ING5: variants seen among roughly 807,000 people sequenced by gnomAD.
ING5 encodes inhibitor of growth family member 5, also known as inhibitor of growth protein 5.
ING5 carries 17 observed loss-of-function variants against 37.4 expected under a neutral mutation model. The observed-to-expected ratio is 0.45, with a 90% CI of 0.31 to 0.68. The LOEUF (loss-of-function observed/expected upper bound fraction) is 0.68. Among genes scored for constraint, ING5 ranks in the 30% least tolerant of loss-of-function variants. The pLI is 0.05. For missense variants in ING5, 233 were observed against 311.9 expected (o/e 0.75, Z 1.91); for synonymous variants, 123 against 116.6 (o/e 1.06, Z -0.36).
At chr2:241,702,761 T>G (rs1260002621) in intron 1 of ING5, among the ~76,000 whole-genome samples, 1 of 152,218 alleles carries the variant, frequency 6.6e-6, no homozygotes, top group African/African-American at 2.4e-5. Flanking sequence ...TTTCCCTCAC[T>G]TTACACACCA....
chr2:241,712,109 T>G, intron 5 of ING5, 38 bp downstream of exon 5: 1 of 1,468,436 alleles, frequency 6.8e-7, no homozygotes, highest in Non-Finnish European at 9.3e-7. Flanking sequence ...AAAGAACGAA[T>G]ACCCATAGCC....
chr2:241,713,777 T>G (rs552307899), intron 5 of ING5, among the ~76,000 whole-genome samples: 1 of 151,572 alleles, frequency 6.6e-6, no homozygotes, highest in East Asian at 2.0e-4. Flanking sequence ...TCACCTGAGG[T>G]CAGGAGTTCA....
intron 5 of ING5, chr2:241,721,737 G>A: frequency 1.0e-6 from 1 of 985,462 alleles, no homozygotes; most frequent in Non-Finnish European, 1.2e-6. Context: ...GGAATACACT[G>A]TCTATAGTAC....
intron 1 of ING5, among the ~76,000 whole-genome samples, chr2:241,703,202 TGGGAGGCTGTGCCAGCC>T (rs759782058): frequency 5.3e-5 from 8 of 152,238 alleles, no homozygotes; most frequent in South Asian, 2.1e-4. Context: ...TGTGTGTGTC[TGGGAGGCTGTGCCAGCC>T]GGGAGGCTGT....
At chr2:241,691,561 G>C (rs7574259) in intron 2 of ING5, among the ~76,000 whole-genome samples, 60,735 of 151,876 alleles carry the variant, frequency 0.4, 12,241 homozygotes, top group Middle Eastern at 0.49. Flanking sequence ...TCAGTGGGCT[G>C]GGGCTGTCAC....
exon 1 of ING5, chr2:241,687,551 A>G (rs1054521749): frequency 4.2e-5 from 6 of 141,280 alleles, no homozygotes; most frequent in African/African-American, 2.6e-4. Context: ...TGTTTGAGAC[A>G]GAGTCTCGCT....
intron 5 of ING5, chr2:241,719,553 T>C: frequency 6.5e-7 from 1 of 1,536,124 alleles, no homozygotes; most frequent in Non-Finnish European, 8.7e-7. Flanking sequence ...GACCGTGCCT[T>C]TTCTGCGTGA....
At chr2:241,711,891 C>A in intron 4 of ING5, 87 bp from the exon 5 acceptor site, 3 of 1,182,562 alleles carry the variant, frequency 2.5e-6, no homozygotes, top group African/African-American at 1.5e-5. Flanking sequence ...GGAGACAGAG[C>A]GAGACCCCTT....
At chr2:241,720,528 C>A (rs2070404122) in intron 5 of ING5, 2 of 992,006 alleles carry the variant, frequency 2.0e-6, no homozygotes, top group African/African-American at 1.7e-5. Flanking sequence ...TGGCCTTGCT[C>A]TGGCGAGGCA....
At chr2:241,699,047 A>AG (rs1292663392), upstream of ING5, among the ~76,000 whole-genome samples, 1 of 116,980 alleles carries the variant, frequency 8.5e-6, no homozygotes, top group Non-Finnish European at 1.7e-5. Flanking sequence ...TTGGGGGGGG[A>AG]GGGGTTTGCT....
intron 2 of ING5, among the ~76,000 whole-genome samples, chr2:241,707,537 C>T (rs2069960166): frequency 6.6e-6 from 1 of 152,138 alleles, no homozygotes; most frequent in African/African-American, 2.4e-5. Flanking sequence ...GGTTCATCCA[C>T]CCGCCTTGGC....
chr2:241,715,472 A>ATTTTTTTTTTTTTTTTTTTTTT (rs34545938), intron 5 of ING5, among the ~76,000 whole-genome samples: 1 of 70,944 alleles, frequency 1.4e-5, no homozygotes, highest in Non-Finnish European at 2.5e-5. Flanking sequence ...CTGGAATAGA[A>ATTTTTTTTTTTTTTTTTTTTTT]TTTTTTTTTT....
chr2:241,703,796 G>C (rs1322962472), intron 1 of ING5, among the ~76,000 whole-genome samples: 1 of 152,080 alleles, frequency 6.6e-6, no homozygotes, highest in African/African-American at 2.4e-5. Context: ...AGTAGAGACA[G>C]GGTTTCACCA....
intron 2 of ING5, 40 bp from the exon 3 acceptor site, chr2:241,709,176 G>T: frequency 6.3e-7 from 1 of 1,578,456 alleles, no homozygotes; most frequent in African/African-American, 1.4e-5. Flanking sequence ...ACATCATGGT[G>T]TCTTGTGCAG....
chr2:241,697,018 G>C (rs1264210917), intron 2 of ING5, among the ~76,000 whole-genome samples: 2 of 151,770 alleles, frequency 1.3e-5, no homozygotes, highest in African/African-American at 4.8e-5. Flanking sequence ...GGAGGCGGAG[G>C]TTGCAGTGAG....
rs559384551 is a variant in ING5 at position 241,721,167 on chromosome 2, C to T, written c.483-1772C>T. The T allele has an allele frequency of 2.7e-4, 263 of 985,540 alleles. No homozygotes were observed. The African/African-American group carries it at 3.4e-3, about 13-fold the overall frequency. 61.0% of individuals were successfully genotyped at this position (985,540 alleles called of 1,614,324 possible). ...TGCTCTCCGCGGGTGAGAGGTGACT[C>T]GAGGAGACCGCAGGAGCCCCTTGGA... On this transcript the variant is annotated intron_variant, in intron 5 of 7. Coordinates refer to ENST00000313552, the MANE Select transcript of ING5 (RefSeq NM_032329.6).
chr2:241,697,438 A>G (rs2069647324), upstream of ING5, among the ~76,000 whole-genome samples: 1 of 150,952 alleles, frequency 6.6e-6, no homozygotes, highest in South Asian at 2.1e-4. Flanking sequence ...CTGTCTCAAA[A>G]AAAAAAAAAA....
chr2:241,711,791 C>T (rs1034855621), intron 4 of ING5, among the ~76,000 whole-genome samples, 187 bp from the exon 5 acceptor site: 5 of 152,008 alleles, frequency 3.3e-5, no homozygotes, highest in African/African-American at 1.2e-4. Context: ...GTCCCAGCTA[C>T]TCGGGAGGCT....
chr2:241,722,681 G>A (rs2070461613), intron 5 of ING5: 3 of 985,310 alleles, frequency 3.0e-6, no homozygotes, highest in African/African-American at 3.5e-5. Flanking sequence ...CGTCCACAAG[G>A]TGTGTATTCA....
Sources: allele counts gnomAD v4.1 joint callset (sites outside exome capture counted in the v4.1 genomes callset), GRCh38; gene constraint gnomAD v4.1.1; transcripts MANE v1.5; gene names NCBI Gene and HGNC (gene_info 2026-07-23, HGNC 2026-07-21).